Variants in HAS3 observed in about 807,000 individuals in gnomAD.
HAS3 encodes HA synthase 3.
HAS3 carries 27 observed loss-of-function variants against 50.3 expected under a neutral mutation model. That is an observed-to-expected ratio of 0.54 (90% CI 0.40 to 0.74). The LOEUF is 0.74. Among genes scored for constraint, HAS3 ranks in the 30% least tolerant of loss-of-function variants. The pLI, the probability that HAS3 is intolerant of heterozygous loss-of-function variation, is 0.00. For synonymous variants in HAS3, 339 were observed against 310.9 expected (o/e 1.09, Z -0.95); for missense variants, 517 against 742.8 (o/e 0.70, Z 3.53).
rs1432023322 is a variant in HAS3 at position 69,107,304 on chromosome 16, C to T, written c.-1+1517C>T. On this transcript the variant is annotated intron_variant, in intron 1 of 3. Transcript: ENST00000569188. The surrounding 1 kb of genome is among the most constrained non-coding windows in gnomAD (Gnocchi z 5.5). Reference sequence around the variant, plus strand: ...ACCTGGGTAATGCCTCTAATTCCTGCGGGGGAGGGGTCCCGCCCAGGGAAG... The same window carrying T: ...ACCTGGGTAATGCCTCTAATTCCTGTGGGGGAGGGGTCCCGCCCAGGGAAG... 2 of 977,568 alleles carry T rather than the reference C, an allele frequency of 2.0e-6. No homozygotes were observed. The highest frequency in any genetic ancestry group is 3.5e-5 in the African/African-American group (2 of 56,982). The allele number at this position is 977,568 out of a possible 1,614,324, so 60.6% of individuals were successfully genotyped here.
upstream of HAS3, among the ~76,000 whole-genome samples, chr16:69,104,940 T>G (rs1274771975): frequency 1.3e-5 from 2 of 150,194 alleles, no homozygotes; most frequent in South Asian, 4.2e-4. Flanking sequence ...TGGGAAGAAG[T>G]GATAGAAATT....
At chr16:69,083,601 C>T in the HAS3 span, 1 of 1,591,598 alleles carries the variant, frequency 6.3e-7, no homozygotes, top group Non-Finnish European at 8.6e-7. Context: ...TGGATGACAT[C>T]ATGAAAAACT....
chr16:69,090,949 C>T, the HAS3 span, among the ~76,000 whole-genome samples: 2 of 152,168 alleles, frequency 1.3e-5, no homozygotes, highest in Non-Finnish European at 2.9e-5. Flanking sequence ...AACTGAGGCA[C>T]ACAAGAGGCA....
chr16:69,109,594 C>G lies in HAS3; in HGVS notation c.199C>G (p.His67Asp), dbSNP rs1419050041. The stretch of plus-strand genomic sequence containing the variant: ...TCAGAGCCTTTTTGCCTTCCTGGAG[C>G]ACCGGCGCATGCGACGTGCCGGCCA... ...LIQSLFAFLEHRRMRRAGQAL... is the reference protein window; with the variant it reads ...LIQSLFAFLEDRRMRRAGQAL... The change falls in exon 2 of 4, where the codon CAC becomes GAC. Residue 67 changes from histidine to aspartate, a missense_variant. Physicochemically the swap from His to Asp is moderately conservative, Grantham distance 81. Coordinates refer to ENST00000569188, the MANE Select transcript of HAS3 (RefSeq NM_001199280.2). This position sits in a 1 kb window ranked among gnomAD's most constrained non-coding sequence, Gnocchi z 5.3. The G allele has an allele frequency of 1.2e-6, 2 of 1,612,826 alleles. No homozygotes were observed. The highest frequency in any genetic ancestry group is 1.7e-6 in the Non-Finnish European group (2 of 1,179,948).
chr16:69,086,768 G>A, the HAS3 span, among the ~76,000 whole-genome samples: 1 of 152,138 alleles, frequency 6.6e-6, no homozygotes, highest in African/African-American at 2.4e-5. Flanking sequence ...GCTGGGTGTG[G>A]TGGCGCATGC....
chr16:69,100,295 A>G, the HAS3 span, among the ~76,000 whole-genome samples: 26 of 152,202 alleles, frequency 1.7e-4, 1 homozygote, highest in African/African-American at 6.3e-4. Flanking sequence ...CTAGCATTGC[A>G]GCTGAAGCCG....
In HAS3 at chr16:69,117,366, C is replaced by G; in HGVS notation, c.*2100C>G. 1 of 985,738 alleles carries G rather than the reference C, an allele frequency of 1.0e-6. No homozygotes were observed. Among genetic ancestry groups the G allele is most frequent in the East Asian group, 1.1e-4 (1 of 8,814 alleles). The allele number at this position is 985,738 out of a possible 1,614,324, so 61.1% of individuals were successfully genotyped here. A position where few individuals can be genotyped will look rare whatever the true frequency, so the allele number is the denominator to read the frequency against. The stretch of plus-strand genomic sequence containing the variant: ...AAAACAGGCAGGTACAGGTAGTGGG[C>G]TCACAACGTTTGACCTCGACTGGTT... On this transcript the variant is annotated 3_prime_UTR_variant, in exon 4 of 4. Coordinates refer to ENST00000569188, the MANE Select transcript of HAS3 (RefSeq NM_001199280.2).
downstream of HAS3, chr16:69,118,483 C>A: frequency 1.4e-6 from 2 of 1,393,744 alleles, no homozygotes; most frequent in Non-Finnish European, 2.0e-6. Flanking sequence ...CAATGGTGAG[C>A]AGGGGACTAC....
chr16:69,111,237 CT>C (rs1300602709), intron 2 of HAS3, among the ~76,000 whole-genome samples: 2 of 124,104 alleles, frequency 1.6e-5, no homozygotes, highest in African/African-American at 6.2e-5. Context: ...CACCCAGCTA[CT>C]TTTTGTAGTT....
Position 69,117,011 on chromosome 16 carries a change from C to T in HAS3, c.*1745C>T, listed in dbSNP as rs1047671797. 3 of 985,336 alleles carry T rather than the reference C, an allele frequency of 3.0e-6. No homozygotes were observed. The East Asian group carries it at 3.4e-4, about 112-fold the overall frequency. The allele number at this position is 985,336 out of a possible 1,614,324, so 61.0% of individuals were successfully genotyped here. On this transcript the variant is annotated 3_prime_UTR_variant, in exon 4 of 4. Transcript: ENST00000569188. Reference sequence around the variant, plus strand: ...CATCTCCCACGAACTCAAGGGTTTTCCAGGTGTAGCTAACAGTTGCCACAT... The same window carrying T: ...CATCTCCCACGAACTCAAGGGTTTTTCAGGTGTAGCTAACAGTTGCCACAT...
At position 69,106,492 on chromosome 16, in the gene HAS3, G is replaced by A. The variant is rs1296557065; in HGVS notation, c.-1+705G>A. 1 of 151,504 alleles carries A rather than the reference G, an allele frequency of 6.6e-6. No individual in the cohort carries two copies. Among genetic ancestry groups the A allele is most frequent in the Non-Finnish European group, 1.5e-5 (1 of 67,808 alleles). 9.4% of individuals were successfully genotyped at this position (151,504 alleles called of 1,614,324 possible). ...GCGGGTTGGGGGCGGCGGCAGCCCCGGGCTTCCCGGCGGCCGTTCCTGCAG... is the reference window on the plus strand; with the variant it reads ...GCGGGTTGGGGGCGGCGGCAGCCCCAGGCTTCCCGGCGGCCGTTCCTGCAG... On this transcript the variant is annotated intron_variant, in intron 1 of 3. Transcript: ENST00000569188. This position sits in a 1 kb window ranked among gnomAD's most constrained non-coding sequence, Gnocchi z 5.5.
chr16:69,087,090 G>A, the HAS3 span, among the ~76,000 whole-genome samples: 1 of 152,006 alleles, frequency 6.6e-6, no homozygotes, highest in African/African-American at 2.4e-5. Context: ...CTGAGGCTCT[G>A]CTGGCCCCTC....
chr16:69,115,303 T>G lies in HAS3; in HGVS notation c.*37T>G. On this transcript the variant is annotated 3_prime_UTR_variant, in exon 4 of 4. Transcript: ENST00000569188. ...AGCAGAGCGGGTAAAGTGCAATGGGTAAGGGAGGGAAGGGGAATGGAAGAG... is the reference window on the plus strand; with the variant it reads ...AGCAGAGCGGGTAAAGTGCAATGGGGAAGGGAGGGAAGGGGAATGGAAGAG... 2 of 1,494,870 alleles carry G rather than the reference T, an allele frequency of 1.3e-6. No homozygotes were observed. Among genetic ancestry groups the G allele is most frequent in the Non-Finnish European group, 8.9e-7 (1 of 1,125,510 alleles). 92.6% of individuals were successfully genotyped at this position (1,494,870 alleles called of 1,614,324 possible). A position where few individuals can be genotyped will look rare whatever the true frequency, so the allele number is the denominator to read the frequency against.
At position 69,110,589 on chromosome 16, in the gene HAS3, G is replaced by C. The variant is rs117974713; in HGVS notation, c.636+558G>C. Among the ~76,000 whole-genome samples, 415 of 152,200 alleles carry C rather than the reference G, an allele frequency of 2.7e-3. 5 individuals carry two copies. In the East Asian group the frequency reaches 0.03, roughly 11 times the overall value. ...CATACACCACCGCACCCAGCTCCAT[G>C]TTAGCCCTTTTAATCCTCTTAACAC... On this transcript the variant is annotated intron_variant, in intron 2 of 3. Transcript: ENST00000569188.
chr16:69,100,714 G>C (rs147764469), upstream of HAS3, among the ~76,000 whole-genome samples: 391 of 152,326 alleles, frequency 2.6e-3, 1 homozygote, highest in African/African-American at 9.1e-3. Context: ...TGACAGAGAG[G>C]TTACGGGTGC....
chr16:69,104,992 GT>G (rs565397720), upstream of HAS3, among the ~76,000 whole-genome samples: 274 of 81,954 alleles, frequency 3.3e-3, 2 homozygotes, highest in South Asian at 7.5e-3. Flanking sequence ...CTGTTTTTTG[GT>G]TTTTTTTTTT....
At chr16:69,092,366 G>A in the HAS3 span, among the ~76,000 whole-genome samples, 2 of 152,296 alleles carry the variant, frequency 1.3e-5, no homozygotes, top group East Asian at 3.9e-4. Context: ...ATTTTGGGAG[G>A]CCGAGGCAGG....
the HAS3 span, among the ~76,000 whole-genome samples, chr16:69,099,993 GCCCCTTAGCAGGGGCTGA>G: frequency 2.6e-5 from 4 of 152,210 alleles, 1 homozygote; most frequent in East Asian, 7.7e-4. Context: ...AAAGAACCTG[GCCCCTTAGCAGGGGCTGA>G]CCGCTTTGCC....
At chr16:69,104,641 G>A (rs1217578328), upstream of HAS3, among the ~76,000 whole-genome samples, 4 of 151,968 alleles carry the variant, frequency 2.6e-5, no homozygotes, top group Admixed American at 6.6e-5. Flanking sequence ...GGGAAGTCTC[G>A]CTTTGTTGCC....
Sources: gnomAD v4.1 joint callset for allele counts (sites outside exome capture counted in the v4.1 genomes callset) on GRCh38, gnomAD v4.1.1 for gene constraint, Gnocchi (gnomAD v3.1) non-coding constraint, MANE v1.5 for transcripts, NCBI Gene and HGNC (gene_info 2026-07-23, HGNC 2026-07-21) for gene names.